Variants in LRBA observed in about 807,000 individuals in gnomAD.
The protein encoded by LRBA is LPS responsive beige-like anchor protein, also known as lipopolysaccharide-responsive and beige-like anchor protein.
A neutral mutation model predicts 330.0 loss-of-function variants in LRBA; 176 were observed. The ratio of observed to expected loss-of-function variants is 0.53; its 90% CI spans 0.47 to 0.60. The LOEUF is 0.60. LRBA is among the 20% of genes least tolerant of loss of function. The pLI is 0.00. For synonymous variants in LRBA, 1,230 were observed against 1,193.0 expected (o/e 1.03, Z -0.64); for missense variants, 3,259 against 3,444.8 (o/e 0.95, Z 1.35).
At chr4:150,856,179 T>C (rs552194853) in intron 22 of LRBA, among the ~76,000 whole-genome samples, 1 of 152,278 alleles carries the variant, frequency 6.6e-6, no homozygotes, top group East Asian at 1.9e-4. Context: ...GTGATTCACA[T>C]TAGACAGGAA....
intron 38 of LRBA, among the ~76,000 whole-genome samples, chr4:150,591,796 A>G (rs1772872146): frequency 6.6e-6 from 1 of 152,076 alleles, no homozygotes; most frequent in Admixed American, 6.6e-5. Flanking sequence ...CCTGCAGAGC[A>G]CCTACACTCA....
chr4:150,971,364 G>C (rs940663583), intron 2 of LRBA, among the ~76,000 whole-genome samples: 3 of 152,146 alleles, frequency 2.0e-5, no homozygotes, highest in Admixed American at 2.0e-4. Context: ...GATTGTTTTA[G>C]CTATAAGGTC....
chr4:150,799,768 G>A (rs577265369), intron 33 of LRBA, among the ~76,000 whole-genome samples: 4 of 151,896 alleles, frequency 2.6e-5, no homozygotes, highest in Non-Finnish European at 5.9e-5. Flanking sequence ...TTTTTGAGAC[G>A]TTGTCTCGCT....
intron 40 of LRBA, among the ~76,000 whole-genome samples, chr4:150,564,866 A>T (rs12500679): frequency 0.091 from 13,823 of 152,152 alleles, 1,172 homozygotes; most frequent in African/African-American, 0.22. Flanking sequence ...CGATCATTAA[A>T]AAGTCAGGAA....
At chr4:150,300,067 G>C (rs751620236) in intron 53 of LRBA, among the ~76,000 whole-genome samples, 1 of 152,008 alleles carries the variant, frequency 6.6e-6, no homozygotes, top group African/African-American at 2.4e-5. Context: ...GTTTACACAC[G>C]GTAACAATGT....
intron 40 of LRBA, among the ~76,000 whole-genome samples, chr4:150,576,831 G>T (rs1770603287): frequency 6.6e-6 from 1 of 151,846 alleles, no homozygotes; most frequent in African/African-American, 2.4e-5. Flanking sequence ...TAGGCTTACT[G>T]TACAAAATTA....
At chr4:150,303,761 G>T (rs974275123) in intron 52 of LRBA, among the ~76,000 whole-genome samples, 2 of 152,034 alleles carry the variant, frequency 1.3e-5, no homozygotes, top group Non-Finnish European at 2.9e-5. Flanking sequence ...TTTTAGTAGA[G>T]ACGGGGTTTC....
At position 150,683,660 on chromosome 4, in the gene LRBA, A is replaced by G. The variant is rs758176961; in HGVS notation, c.5812T>C (p.Leu1938=). ...TCACGATATTTTGCTGCTCTTATCA[A>G]ATGATCACACATCTTCTCATCTTCT... ...KREDEKMCDH[L]IRAAKYRDHV... Residue 1938 remains leucine, a synonymous_variant, in exon 37 of 57, where the codon TTG becomes CTG. Transcript: ENST00000651943. The G allele has an allele frequency of 6.2e-7, 1 of 1,613,910 alleles. No individual in the cohort carries two copies. The highest frequency in any genetic ancestry group is 1.7e-5 in the Admixed American group (1 of 60,012).
chr4:150,648,158 C>CAAAAAAAAAAAAAAAAAAAAAAAA lies in LRBA; in HGVS notation c.5921+35392_5921+35393insTTTTTTTTTTTTTTTTTTTTTTTT. ...TCAGAAGAGAAAGGAACACAAGTAG[C>CAAAAAAAAAAAAAAAAAAAAAAAA]AAAAAAAAAAAAAAAAAAACTAGAA... On this transcript the variant is annotated intron_variant, in intron 37 of 56. Transcript: ENST00000651943. Among the ~76,000 whole-genome samples, 35 of 18,078 alleles carry CAAAAAAAAAAAAAAAAAAAAAAAA rather than the reference C, an allele frequency of 1.9e-3. 7 individuals are homozygous for CAAAAAAAAAAAAAAAAAAAAAAAA. The highest frequency in any genetic ancestry group is 3.2e-3 in the Non-Finnish European group (18 of 5,684). The allele number at this position is 18,078 out of a possible 152,430, so 11.9% of individuals were successfully genotyped here.
intron 34 of LRBA, among the ~76,000 whole-genome samples, chr4:150,775,243 C>T (rs762981641): frequency 4.6e-5 from 7 of 152,126 alleles, no homozygotes; most frequent in Non-Finnish European, 7.3e-5. Context: ...TCACAGTACA[C>T]GGAAGTGTAT....
At chr4:150,423,586 G>T (rs2151968672) in intron 46 of LRBA, 2 of 344,714 alleles carry the variant, frequency 5.8e-6, no homozygotes, top group Admixed American at 3.5e-5. Context: ...CCACCTGCTT[G>T]CCCACAAAAG....
chr4:150,963,700 G>A (rs1738476502), intron 2 of LRBA, among the ~76,000 whole-genome samples: 1 of 147,304 alleles, frequency 6.8e-6, no homozygotes, highest in African/African-American at 2.7e-5. Context: ...GGGAAGTGAG[G>A]AGTGCCTCTT....
chr4:150,319,923 C>G (rs1732255446), intron 50 of LRBA, among the ~76,000 whole-genome samples: 1 of 152,174 alleles, frequency 6.6e-6, no homozygotes, highest in Non-Finnish European at 1.5e-5. Flanking sequence ...TTCTAACGAG[C>G]AGTGCTTTAT....
intron 47 of LRBA, among the ~76,000 whole-genome samples, chr4:150,392,111 A>G (rs999042004): frequency 5.3e-4 from 81 of 152,042 alleles, no homozygotes; most frequent in Admixed American, 2.8e-3. Context: ...CCCCAGCTAC[A>G]CGGAACTGTT....
intron 52 of LRBA, among the ~76,000 whole-genome samples, chr4:150,307,570 A>T (rs1184606690): frequency 6.6e-6 from 1 of 151,926 alleles, no homozygotes; most frequent in Non-Finnish European, 1.5e-5. Flanking sequence ...AAATTTAAAA[A>T]AAAAAAAAGC....
intron 51 of LRBA, 185 bp from the exon 52 acceptor site, chr4:150,310,569 T>C: frequency 2.0e-6 from 1 of 489,368 alleles, no homozygotes; most frequent in South Asian, 3.8e-5. Flanking sequence ...CTAAATTCAA[T>C]ATCTCAGTTA....
At chr4:150,315,522 G>C in intron 51 of LRBA, 39 bp downstream of exon 51, 1 of 1,543,428 alleles carries the variant, frequency 6.5e-7, no homozygotes, top group Non-Finnish European at 9.0e-7. Flanking sequence ...CCACCATACA[G>C]AGCTTAATGA....
At chr4:150,956,030 A>C (rs1737516615) in intron 2 of LRBA, among the ~76,000 whole-genome samples, 1 of 149,348 alleles carries the variant, frequency 6.7e-6, no homozygotes, top group Non-Finnish European at 1.5e-5. Context: ...AAATGAAATT[A>C]ACAATATAAA....
intron 16 of LRBA, among the ~76,000 whole-genome samples, chr4:150,895,023 C>T (rs1214781905): frequency 1.3e-5 from 2 of 151,984 alleles, no homozygotes; most frequent in Non-Finnish European, 2.9e-5. Flanking sequence ...ATCATTATCC[C>T]TCATTTAAAA....
Sources: allele counts gnomAD v4.1 joint callset (sites outside exome capture counted in the v4.1 genomes callset), GRCh38; gene constraint gnomAD v4.1.1; transcripts MANE v1.5; gene names NCBI Gene and HGNC (gene_info 2026-07-23, HGNC 2026-07-21).